Variants in MAMLD1 observed in about 807,000 individuals in gnomAD.
The protein encoded by MAMLD1 is mastermind-like domain-containing protein 1.
In MAMLD1, 14 loss-of-function variants were observed where a neutral mutation model predicts 45.0. That is an observed-to-expected ratio of 0.31 (90% CI 0.21 to 0.49). MAMLD1 has a LOEUF of 0.49. MAMLD1 is among the 20% of genes least tolerant of loss of function. The probability of loss-of-function intolerance (pLI) is 0.99; values close to 1 mark genes in which losing one functional copy is unlikely to be tolerated. For missense variants in MAMLD1, 543 were observed against 603.6 expected (o/e 0.90, Z 1.05); for synonymous variants, 254 against 247.8 (o/e 1.02, Z -0.24).
intron 1 of MAMLD1, among the ~76,000 whole-genome samples, chrX:150,439,309 A>C (rs977691061): frequency 8.9e-6 from 1 of 111,899 alleles, no homozygotes; most frequent in Non-Finnish European, 1.9e-5. Flanking sequence ...TTTCTTGATA[A>C]CGTCCTTTGA....
chrX:150,412,006 G>A (rs1241846897), intron 1 of MAMLD1, among the ~76,000 whole-genome samples: 1 of 112,082 alleles, frequency 8.9e-6, no homozygotes, highest in Non-Finnish European at 1.9e-5. Flanking sequence ...ATGATTTAAA[G>A]TGCCCCCACA....
intron 5 of MAMLD1, among the ~76,000 whole-genome samples, chrX:150,498,508 C>A (rs2037454971): frequency 8.9e-6 from 1 of 112,262 alleles, no homozygotes; most frequent in Non-Finnish European, 1.9e-5. Context: ...AGCCACCATG[C>A]CAAAGAGCTG....
chrX:150,471,343 C>T lies in MAMLD1; in HGVS notation c.1770C>T (p.Ala590=). The change falls in exon 4 of 8, where the codon GCC becomes GCT. Residue 590 remains alanine, a synonymous_variant. Transcript: ENST00000370401. The part of the protein sequence containing the change: ...QASSATASST[A]TATLQLQQQQ... The stretch of plus-strand genomic sequence containing the variant: ...CCTCAGCCACTGCCTCCTCCACGGC[C>T]ACTGCCACCTTGCAGCTGCAGCAGC... The T allele has an allele frequency of 8.3e-7, 1 of 1,210,991 alleles. No individual in the cohort carries two copies. Among genetic ancestry groups the T allele is most frequent in the Non-Finnish European group, 1.1e-6 (1 of 895,164 alleles).
At chrX:150,506,913 A>G (rs146489356) in intron 6 of MAMLD1, among the ~76,000 whole-genome samples, 8,949 of 112,171 alleles carry the variant, frequency 0.08, 860 homozygotes, top group African/African-American at 0.27. Flanking sequence ...GCTTCTAGAA[A>G]GGCATCCCCA....
At chrX:150,511,950 C>T (rs2037912292) in intron 7 of MAMLD1, 54 bp from the exon 8 acceptor site, 1 of 1,018,897 alleles carries the variant, frequency 9.8e-7, no homozygotes, top group African/African-American at 2.0e-5. Flanking sequence ...TGGCCACAGC[C>T]CAAGTCGAGG....
intron 1 of MAMLD1, among the ~76,000 whole-genome samples, chrX:150,434,036 G>A (rs183009645): frequency 1.5e-3 from 164 of 111,362 alleles, no homozygotes; most frequent in African/African-American, 5.0e-3. Flanking sequence ...CTGGTCCTGG[G>A]CTTTTTTCTG....
chrX:150,486,797 GA>G (rs782807784), intron 5 of MAMLD1, among the ~76,000 whole-genome samples: 196 of 110,458 alleles, frequency 1.8e-3, no homozygotes, highest in African/African-American at 5.2e-3. Context: ...GCAATAAAAA[GA>G]AAAAAAAATT....
At chrX:150,432,917 T>G (rs1023193634) in intron 1 of MAMLD1, among the ~76,000 whole-genome samples, 11 of 111,949 alleles carry the variant, frequency 9.8e-5, no homozygotes, top group Non-Finnish European at 1.9e-4. Flanking sequence ...AGGTTCCATA[T>G]GAATTTTATT....
intron 2 of MAMLD1, among the ~76,000 whole-genome samples, chrX:150,446,123 A>G (rs1224685329): frequency 2.7e-5 from 3 of 111,836 alleles, no homozygotes; most frequent in Non-Finnish European, 3.8e-5. Context: ...AAGTGTTCTG[A>G]ACCTCAGGAT....
At chrX:150,398,343 G>GAAGAAGAAGAAGAAGAAGAAGAA (rs1569564636) in intron 1 of MAMLD1, among the ~76,000 whole-genome samples, 2 of 56,472 alleles carry the variant, frequency 3.5e-5, no homozygotes, top group East Asian at 5.5e-4. Flanking sequence ...AAGAAGAAGA[G>GAAGAAGAAGAAGAAGAAGAAGAA]GAAGAGGAAG....
intron 3 of MAMLD1, among the ~76,000 whole-genome samples, chrX:150,468,714 A>G (rs1276536163): frequency 2.7e-5 from 3 of 111,757 alleles, no homozygotes; most frequent in African/African-American, 9.8e-5. Context: ...AGCTCCCCCA[A>G]GGTTCAGATC....
intron 2 of MAMLD1, among the ~76,000 whole-genome samples, chrX:150,445,994 CA>C (rs2035475682): frequency 9.0e-6 from 1 of 111,593 alleles, no homozygotes; most frequent in Admixed American, 9.5e-5. Flanking sequence ...TGACTGAGAA[CA>C]AAAAGCTAGT....
intron 2 of MAMLD1, among the ~76,000 whole-genome samples, chrX:150,460,859 A>G (rs782486585): frequency 8.9e-6 from 1 of 111,856 alleles, no homozygotes; most frequent in Non-Finnish European, 1.9e-5. Context: ...GCCCCTCTAA[A>G]AACCCACTTG....
In MAMLD1 at chrX:150,478,794, A is replaced by G. The variant is rs139811175; in HGVS notation, c.2040+4992A>G. ...GAGCATTCTTATTTTGTATTTAAAC[A>G]TGATGGTACATACAAGCTTAGTTTT... On this transcript the variant is annotated intron_variant, in intron 5 of 7. Coordinates refer to ENST00000370401, the MANE Select transcript of MAMLD1 (RefSeq NM_005491.5). Among the ~76,000 whole-genome samples the G allele has an allele frequency of 4.0e-4, 45 of 112,761 alleles. No homozygotes were observed. In the East Asian group the frequency reaches 8.6e-3, roughly 22 times the overall value.
At chrX:150,404,619 C>T (rs1012311860) in intron 1 of MAMLD1, among the ~76,000 whole-genome samples, 23 of 111,344 alleles carry the variant, frequency 2.1e-4, no homozygotes, top group African/African-American at 6.9e-4. Flanking sequence ...CACCATCACC[C>T]CAGTCAAGAT....
intron 1 of MAMLD1, among the ~76,000 whole-genome samples, chrX:150,414,914 A>G (rs2034211932): frequency 9.0e-6 from 1 of 111,679 alleles, no homozygotes; most frequent in Non-Finnish European, 1.9e-5. Flanking sequence ...AGTTCATATC[A>G]GTCATATAGA....
chrX:150,512,130 C>A lies in MAMLD1; in HGVS notation c.*171C>A. 5.2e-6 allele frequency: 6 copies of A among 1,154,020 alleles called. No individual in the cohort carries two copies. The highest frequency in any genetic ancestry group is 1.9e-5 in the South Asian group (1 of 52,268). On this transcript the variant is annotated 3_prime_UTR_variant, in exon 8 of 8. Coordinates refer to ENST00000370401, the MANE Select transcript of MAMLD1 (RefSeq NM_005491.5). ...CTGAGTCCAGGAATGATCCCACTCA[C>A]CAGGCACCAGAGCTGCGAGGGCATG...
intron 2 of MAMLD1, among the ~76,000 whole-genome samples, chrX:150,451,120 C>T (rs1392975957): frequency 1.8e-5 from 2 of 112,678 alleles, no homozygotes; most frequent in East Asian, 5.6e-4. Context: ...ACCTGCAAAT[C>T]ACAGTCTGTT....
chrX:150,411,259 G>T (rs782328213), intron 1 of MAMLD1, among the ~76,000 whole-genome samples: 4 of 112,010 alleles, frequency 3.6e-5, no homozygotes, highest in African/African-American at 1.3e-4. Flanking sequence ...CCAGTGCTCC[G>T]TTCCCCTTCC....
Sources: allele counts gnomAD v4.1 joint callset (sites outside exome capture counted in the v4.1 genomes callset), GRCh38; gene constraint gnomAD v4.1.1; transcripts MANE v1.5; gene names NCBI Gene and HGNC (gene_info 2026-07-23, HGNC 2026-07-21).